The following IFI16 variants were observed in gnomAD, a reference collection of about 807,000 sequenced individuals.
IFI16 encodes gamma-interferon-inducible protein 16.
A neutral mutation model predicts 68.4 loss-of-function variants in IFI16; 49 were observed. That is an observed-to-expected ratio of 0.72 (90% CI 0.57 to 0.91). IFI16 has a LOEUF of 0.91. IFI16 is among the 40% of genes least tolerant of loss of function. IFI16 has a pLI of 0.00. For missense variants in IFI16, 878 were observed against 942.9 expected (o/e 0.93, Z 0.90); for synonymous variants, 307 against 315.0 (o/e 0.97, Z 0.27).
intron 8 of IFI16, among the ~76,000 whole-genome samples, chr1:159,048,201 T>C (rs1655113246): frequency 6.6e-6 from 1 of 151,324 alleles, no homozygotes; most frequent in Non-Finnish European, 1.5e-5. Context: ...AAACCCCTAA[T>C]AGATCGTGGA....
At chr1:159,026,122 T>C (rs1015234933) in intron 6 of IFI16, among the ~76,000 whole-genome samples, 1 of 152,184 alleles carries the variant, frequency 6.6e-6, no homozygotes, top group Admixed American at 6.5e-5. Flanking sequence ...TCCTGATTTC[T>C]TCCTTTTGTT....
rs533211633 is a variant in IFI16, at chr1:159,052,873, T to C, written c.2086-660T>C. 7.2e-5 allele frequency: 11 copies of C among 152,392 alleles called. 1 individual carries two copies. The highest frequency in any genetic ancestry group is 6.5e-4 in the Admixed American group (10 of 15,300). 9.4% of individuals were successfully genotyped at this position (152,392 alleles called of 1,614,324 possible). The stretch of plus-strand genomic sequence containing the variant: ...TTAACTTCTTGTTTGAAGTACTGTT[T>C]CATACTCCATTATACATGTCTTCTA... On this transcript the variant is annotated intron_variant, in intron 10 of 11. Transcript: ENST00000295809.
intron 7 of IFI16, among the ~76,000 whole-genome samples, chr1:159,039,632 CTG>C (rs1317384424): frequency 6.6e-6 from 1 of 152,172 alleles, no homozygotes; most frequent in Non-Finnish European, 1.5e-5. Flanking sequence ...GTGTGAGCCA[CTG>C]TGCCTGGCCG....
In IFI16 at chr1:159,013,417, C is replaced by T. The variant is rs1028882582; in HGVS notation, c.-20-1244C>T. ...TCTCCGGAACTTGTGATTCGACCACCTCGGCCTCCCAACATGCTGGAATTA... is the reference window on the plus strand; with the variant it reads ...TCTCCGGAACTTGTGATTCGACCACTTCGGCCTCCCAACATGCTGGAATTA... On this transcript the variant is annotated intron_variant, in intron 1 of 11. Coordinates refer to ENST00000295809, the MANE Select transcript of IFI16 (RefSeq NM_001376587.1). 3.9e-5 allele frequency among the ~76,000 whole-genome samples: 6 copies of T among 152,222 alleles called. No homozygotes were observed. The South Asian group carries it at 1.2e-3, about 32-fold the overall frequency.
At chr1:159,046,157 G>A (rs1186240502) in intron 8 of IFI16, among the ~76,000 whole-genome samples, 4 of 151,122 alleles carry the variant, frequency 2.6e-5, no homozygotes, top group Admixed American at 6.6e-5. Context: ...TTTGGCTTAT[G>A]TTGTTTCTAG....
rs545134285 is a variant in IFI16, at chr1:159,053,559, T to C, written c.2112T>C (p.Tyr704=). 6.8e-6 allele frequency: 11 copies of C among 1,609,796 alleles called. No homozygotes were observed. In the South Asian group the frequency reaches 9.9e-5, roughly 15 times the overall value. Residue 704 remains tyrosine, a synonymous_variant, in exon 11 of 12, where the codon TAT becomes TAC. Coordinates refer to ENST00000295809, the MANE Select transcript of IFI16 (RefSeq NM_001376587.1). ...HKKNVRGEFT[Y]YEIQDNTGKM... is the part of the protein sequence containing the mutation. ...AAAATGTAAGGGGTGAATTCACTTA[T>C]TATGAAATACAAGATAATACAGGGA...
chr1:159,012,048 A>T (rs11265129), intron 1 of IFI16, among the ~76,000 whole-genome samples: 5,963 of 152,128 alleles, frequency 0.039, 248 homozygotes, highest in African/African-American at 0.1. Flanking sequence ...CATTAGGAAC[A>T]CCTAAAAAAG....
intron 4 of IFI16, among the ~76,000 whole-genome samples, chr1:159,017,458 A>C (rs552787362): frequency 4.1e-5 from 6 of 147,870 alleles, no homozygotes; most frequent in African/African-American, 7.5e-5. Flanking sequence ...ACCATTTTTC[A>C]TTTTTTTTTT....
chr1:159,055,139 C>A lies in IFI16; in HGVS notation c.*238C>A. 3.2e-6 allele frequency: 1 copy of A among 310,328 alleles called. No individual in the cohort carries two copies. The highest frequency in any genetic ancestry group is 5.5e-5 in the East Asian group (1 of 18,070). The allele number at this position is 310,328 out of a possible 1,614,324, so 19.2% of individuals were successfully genotyped here. On this transcript the variant is annotated 3_prime_UTR_variant, in exon 12 of 12. Transcript: ENST00000295809. ...ATTTGAAAAAATAAATAAACATTATCTTTTTTGTGAAAGGAATGCTTCCCC... is the reference window on the plus strand; with the variant it reads ...ATTTGAAAAAATAAATAAACATTATATTTTTTGTGAAAGGAATGCTTCCCC...
intron 6 of IFI16, among the ~76,000 whole-genome samples, chr1:159,031,259 G>C (rs74122212): frequency 0.11 from 17,302 of 152,096 alleles, 1,490 homozygotes; most frequent in African/African-American, 0.23. Flanking sequence ...CCTCCCTGCT[G>C]AGAAAGCAAG....
intron 1 of IFI16, among the ~76,000 whole-genome samples, chr1:159,013,495 T>C (rs856064): frequency 0.63 from 96,148 of 151,992 alleles, 34,283 homozygotes; most frequent in Admixed American, 0.79. Context: ...AATTTAGATA[T>C]CTTGGTTATA....
intron 1 of IFI16, among the ~76,000 whole-genome samples, chr1:159,013,864 G>A (rs1652746237): frequency 6.6e-6 from 1 of 152,232 alleles, no homozygotes; most frequent in Admixed American, 6.5e-5. Flanking sequence ...TTCTGAGACA[G>A]TATAGGAAGC....
chr1:159,052,276 T>C, intron 10 of IFI16, 178 bp downstream of exon 10: 1 of 588,474 alleles, frequency 1.7e-6, no homozygotes, highest in Non-Finnish European at 3.0e-6. Context: ...TACGTTATAT[T>C]GTAACATTCC....
intron 9 of IFI16, among the ~76,000 whole-genome samples, chr1:159,050,785 T>C (rs1179130469): frequency 1.3e-5 from 2 of 152,064 alleles, no homozygotes; most frequent in African/African-American, 4.8e-5. Context: ...TTCACGTCCA[T>C]GACTCTTTTT....
chr1:159,020,526 C>G lies in IFI16; in HGVS notation c.1158C>G (p.Ile386Met), dbSNP rs1328462593. ...SKLISEMHSFIQIKKKTNPRN... is the reference protein window; with the variant it reads ...SKLISEMHSFMQIKKKTNPRN... ...TGATTTCAGAAATGCATAGTTTTATCCAGGTAAGAATTAAATAGGCAAATA... is the reference window on the plus strand; with the variant it reads ...TGATTTCAGAAATGCATAGTTTTATGCAGGTAAGAATTAAATAGGCAAATA... The change falls in exon 6 of 12, where the codon ATC becomes ATG. Residue 386 changes from isoleucine (I) to methionine (M), a missense_variant. Physicochemically the swap from Ile to Met is conservative, Grantham distance 10. Transcript: ENST00000295809. 1.2e-6 allele frequency: 2 copies of G among 1,601,702 alleles called. No individual in the cohort carries two copies. The highest frequency in any genetic ancestry group is 1.7e-6 in the Non-Finnish European group (2 of 1,172,040).
chr1:159,018,168 T>A, intron 4 of IFI16, 61 bp from the exon 5 acceptor site: 1 of 1,410,400 alleles, frequency 7.1e-7, no homozygotes, highest in South Asian at 1.3e-5. Flanking sequence ...GGTCACTGAA[T>A]AGCAGTTCTG....
chr1:159,046,976 A>G (rs1655027038), intron 8 of IFI16, among the ~76,000 whole-genome samples: 1 of 146,486 alleles, frequency 6.8e-6, no homozygotes, highest in Non-Finnish European at 1.5e-5. Context: ...TGTGTTATCA[A>G]CCCTTATCCC....
At chr1:159,006,063 C>CT (rs1652245083), upstream of IFI16, 1 of 152,362 alleles carries the variant, frequency 6.6e-6, no homozygotes, top group Non-Finnish European at 1.5e-5. Context: ...CTATCTAGAT[C>CT]TTTGACTACC....
chr1:159,020,314 G>T (rs201585262), intron 5 of IFI16, 27 bp from the exon 6 acceptor site: 1 of 1,527,618 alleles, frequency 6.5e-7, no homozygotes, highest in Non-Finnish European at 9.0e-7. Context: ...ACATTCTCAG[G>T]AACAGAATAT....
Sources: allele counts gnomAD v4.1 joint callset (sites outside exome capture counted in the v4.1 genomes callset), GRCh38; gene constraint gnomAD v4.1.1; transcripts MANE v1.5; gene names NCBI Gene and HGNC (gene_info 2026-07-23, HGNC 2026-07-21).